Variants in FIRRM observed in about 807,000 individuals in gnomAD.
FIRRM encodes the protein FIGNL1 interacting regulator of recombination and mitosis, also known as FIGNL1-interacting regulator of recombination and mitosis.
chr1:169,793,723 A>T, the FIRRM span: 2 of 1,528,886 alleles, frequency 1.3e-6, no homozygotes, highest in Non-Finnish European at 8.8e-7. Flanking sequence ...ACAATCTTTA[A>T]ATTCAGATTC....
the FIRRM span, among the ~76,000 whole-genome samples, chr1:169,809,284 A>C: frequency 6.6e-6 from 1 of 151,224 alleles, no homozygotes; most frequent in Non-Finnish European, 1.5e-5. Context: ...TTTTGTCCTC[A>C]CTTCATTCGT....
chr1:169,831,228 A>T, the FIRRM span, among the ~76,000 whole-genome samples: 2 of 152,228 alleles, frequency 1.3e-5, no homozygotes, highest in African/African-American at 4.8e-5. Context: ...GAATGGGTAC[A>T]GACAGAAAAT....
chr1:169,815,581 GA>G, the FIRRM span, among the ~76,000 whole-genome samples: 2 of 152,166 alleles, frequency 1.3e-5, no homozygotes, highest in Non-Finnish European at 2.9e-5. Context: ...AGTGTATAGT[GA>G]GCAGTGAGGA....
At chr1:169,821,739 T>C in the FIRRM span, 2 of 1,609,924 alleles carry the variant, frequency 1.2e-6, no homozygotes, top group Admixed American at 3.3e-5. Context: ...TTTTGCCAAC[T>C]CCCTTTTGCA....
the FIRRM span, chr1:169,792,543 G>A: frequency 4.1e-6 from 6 of 1,472,190 alleles, no homozygotes; most frequent in South Asian, 1.5e-5. Flanking sequence ...TGGTCCTTCT[G>A]TTTATTTCAT....
chr1:169,789,400 T>G, the FIRRM span, among the ~76,000 whole-genome samples: 3 of 152,242 alleles, frequency 2.0e-5, no homozygotes, highest in Admixed American at 2.0e-4. Flanking sequence ...CTATAGCAGA[T>G]GTGTCACTGG....
the FIRRM span, among the ~76,000 whole-genome samples, chr1:169,846,267 T>C: frequency 1.3e-5 from 2 of 152,166 alleles, no homozygotes; most frequent in African/African-American, 4.8e-5. Context: ...TGTTGTTCCA[T>C]TGATAGAGTA....
the FIRRM span, among the ~76,000 whole-genome samples, chr1:169,829,886 A>G: frequency 2.6e-5 from 4 of 152,312 alleles, no homozygotes; most frequent in African/African-American, 9.6e-5. Context: ...ATATTACACA[A>G]TATCTAGCAC....
At chr1:169,833,073 T>C in the FIRRM span, among the ~76,000 whole-genome samples, 11 of 152,334 alleles carry the variant, frequency 7.2e-5, no homozygotes, top group South Asian at 8.3e-4. Flanking sequence ...ATTTTTCATA[T>C]ATATTTGAGA....
chr1:169,795,237 C>G, the FIRRM span: 1 of 1,531,586 alleles, frequency 6.5e-7, no homozygotes, highest in African/African-American at 1.4e-5. Context: ...GTTGTCACTT[C>G]TACCTAGAGA....
the FIRRM span, chr1:169,795,290 G>A: frequency 6.8e-7 from 1 of 1,467,136 alleles, no homozygotes; most frequent in East Asian, 2.5e-5. Context: ...TGTCCCTTCA[G>A]ACCCACCGCC....
the FIRRM span, chr1:169,852,245 C>T: frequency 2.8e-6 from 1 of 356,990 alleles, no homozygotes; most frequent in Non-Finnish European, 5.1e-6. Context: ...AAGAAACTTA[C>T]TCCTAAATGT....
chr1:169,799,061 T>C, the FIRRM span: 1 of 443,688 alleles, frequency 2.3e-6, no homozygotes, highest in Non-Finnish European at 4.0e-6. Flanking sequence ...TCCCTTGAAA[T>C]GTAACTGTTC....
At chr1:169,810,348 G>A in the FIRRM span, among the ~76,000 whole-genome samples, 22 of 152,272 alleles carry the variant, frequency 1.4e-4, no homozygotes, top group East Asian at 2.9e-3. Flanking sequence ...TGGGGTTGCC[G>A]TAACAAGTTA....
chr1:169,812,678 G>A, the FIRRM span, among the ~76,000 whole-genome samples: 1 of 152,032 alleles, frequency 6.6e-6, no homozygotes, highest in Non-Finnish European at 1.5e-5. Context: ...CCAACATGGT[G>A]AAACCCCGTC....
the FIRRM span, chr1:169,795,320 C>T: frequency 7.0e-7 from 1 of 1,421,018 alleles, no homozygotes; most frequent in Non-Finnish European, 9.4e-7. Flanking sequence ...TATATTACCG[C>T]GGCCTGAACC....
chr1:169,814,140 A>T, the FIRRM span, among the ~76,000 whole-genome samples: 2 of 152,214 alleles, frequency 1.3e-5, no homozygotes, highest in Admixed American at 6.5e-5. Flanking sequence ...CCCTTGAACA[A>T]TGCAGGTCTG....
the FIRRM span, chr1:169,850,688 C>T: frequency 4.4e-4 from 81 of 183,792 alleles, no homozygotes; most frequent in Non-Finnish European, 7.2e-4. Context: ...CCCAGCTACT[C>T]GGGAGGCTGA....
At chr1:169,833,797 C>T in the FIRRM span, among the ~76,000 whole-genome samples, 373 of 148,946 alleles carry the variant, frequency 2.5e-3, no homozygotes, top group African/African-American at 8.5e-3. Flanking sequence ...AGAAGTGGGA[C>T]TGGGAGGGAA....
Sources: allele counts gnomAD v4.1 joint callset (sites outside exome capture counted in the v4.1 genomes callset), GRCh38; gene constraint gnomAD v4.1.1; transcripts MANE v1.5; gene names NCBI Gene and HGNC (gene_info 2026-07-23, HGNC 2026-07-21).